The following PRKCH variants were observed in gnomAD, a reference collection of about 807,000 sequenced individuals.
PRKCH encodes the protein protein kinase C eta type.
A neutral mutation model predicts 82.5 loss-of-function variants in PRKCH; 28 were observed. The observed-to-expected ratio is 0.34, with a 90% CI of 0.25 to 0.47. The LOEUF (loss-of-function observed/expected upper bound fraction) is 0.47, where lower values mean the gene tolerates loss of function less well. Among genes scored for constraint, PRKCH ranks in the 20% least tolerant of loss-of-function variants. PRKCH has a pLI of 1.00. For missense variants in PRKCH, 705 were observed against 881.8 expected, an observed-to-expected ratio of 0.80 and a Z score of 2.54; for synonymous variants, 322 against 327.4, an observed-to-expected ratio of 0.98 and a Z score of 0.18.
chr14:61,389,495 G>C (rs2046640647), intron 1 of PRKCH, among the ~76,000 whole-genome samples: 1 of 152,112 alleles, frequency 6.6e-6, no homozygotes, highest in South Asian at 2.1e-4. Context: ...GTTTGAGACT[G>C]GGCAACATAG....
chr14:61,532,257 A>T (rs1389072054), intron 12 of PRKCH, among the ~76,000 whole-genome samples: 1 of 152,242 alleles, frequency 6.6e-6, no homozygotes, highest in Non-Finnish European at 1.5e-5. Flanking sequence ...GCCATAAAAA[A>T]AATGCCTGTT....
At chr14:61,403,392 A>G (rs1338722450) in intron 2 of PRKCH, among the ~76,000 whole-genome samples, 1 of 152,246 alleles carries the variant, frequency 6.6e-6, no homozygotes, top group Non-Finnish European at 1.5e-5. Flanking sequence ...ATAATCAGAA[A>G]AAAATATGTA....
chr14:61,455,286 C>T (rs925008001), intron 7 of PRKCH, among the ~76,000 whole-genome samples: 14 of 151,802 alleles, frequency 9.2e-5, no homozygotes, highest in African/African-American at 1.7e-4. Flanking sequence ...GTCATCCTCC[C>T]GTCTCGGCCT....
intron 1 of PRKCH, among the ~76,000 whole-genome samples, chr14:61,369,096 A>G (rs1360685686): frequency 1.3e-5 from 2 of 152,104 alleles, no homozygotes; most frequent in African/African-American, 4.8e-5. Flanking sequence ...TGCAAAATAC[A>G]CCATTGGCTG....
intron 1 of PRKCH, among the ~76,000 whole-genome samples, chr14:61,292,823 A>G (rs1351531888): frequency 2.0e-5 from 3 of 150,062 alleles, no homozygotes; most frequent in Non-Finnish European, 3.0e-5. Flanking sequence ...GCTTGCACCT[A>G]TAATCTCAGA....
intron 9 of PRKCH, chr14:61,463,084 T>C (rs916324485): frequency 6.6e-6 from 1 of 152,226 alleles, no homozygotes; most frequent in African/African-American, 2.4e-5. Flanking sequence ...ACCTGAACTG[T>C]GTTTTAGCTT....
At chr14:61,542,184 G>A (rs1405376322) in intron 12 of PRKCH, among the ~76,000 whole-genome samples, 1 of 152,040 alleles carries the variant, frequency 6.6e-6, no homozygotes, top group Non-Finnish European at 1.5e-5. Flanking sequence ...CAGCTACTCG[G>A]GAGGCTGAGG....
At chr14:61,251,148 A>G (rs1301535198) in intron 1 of PRKCH, among the ~76,000 whole-genome samples, 1 of 152,210 alleles carries the variant, frequency 6.6e-6, no homozygotes, top group Non-Finnish European at 1.5e-5. Flanking sequence ...TGCAATGTGT[A>G]ATAATCACAT....
At chr14:61,314,664 G>C (rs759842798) in intron 1 of PRKCH, among the ~76,000 whole-genome samples, 3 of 152,158 alleles carry the variant, frequency 2.0e-5, no homozygotes, top group Non-Finnish European at 2.9e-5. Flanking sequence ...AATAGTCATC[G>C]AAGGCTCTTC....
chr14:61,232,458 C>T (rs1190508176), intron 1 of PRKCH, among the ~76,000 whole-genome samples: 2 of 152,292 alleles, frequency 1.3e-5, no homozygotes, highest in Admixed American at 1.3e-4. Flanking sequence ...TGGGCTCAAG[C>T]CATCCACCCG....
intron 10 of PRKCH, among the ~76,000 whole-genome samples, chr14:61,512,109 T>C (rs184890642): frequency 6.6e-5 from 10 of 152,164 alleles, no homozygotes; most frequent in African/African-American, 2.4e-4. Flanking sequence ...TCACTTGTCA[T>C]GTCTGTGGTG....
At chr14:61,414,394 T>G (rs1882447115) in intron 2 of PRKCH, among the ~76,000 whole-genome samples, 1 of 151,614 alleles carries the variant, frequency 6.6e-6, no homozygotes, top group East Asian at 1.9e-4. Context: ...TGTCTCAGCC[T>G]CCCTGGTAGC....
chr14:61,310,285 G>A (rs569083215), intron 1 of PRKCH, among the ~76,000 whole-genome samples: 23 of 152,262 alleles, frequency 1.5e-4, no homozygotes, highest in African/African-American at 2.9e-4. Context: ...AGTCCCTTCC[G>A]CCTATAAACC....
intron 10 of PRKCH, among the ~76,000 whole-genome samples, chr14:61,527,404 T>C (rs751739717): frequency 6.6e-6 from 1 of 152,244 alleles, no homozygotes; most frequent in Non-Finnish European, 1.5e-5. Context: ...TCATTTCTGC[T>C]GCTTCTCTCT....
At chr14:61,313,414 TA>T (rs933590531) in intron 1 of PRKCH, among the ~76,000 whole-genome samples, 27 of 152,338 alleles carry the variant, frequency 1.8e-4, no homozygotes, top group Admixed American at 9.8e-4. Context: ...AATCCTTTTT[TA>T]AAATGTCAAA....
intron 10 of PRKCH, among the ~76,000 whole-genome samples, chr14:61,497,397 G>A (rs888562414): frequency 1.3e-5 from 2 of 152,186 alleles, no homozygotes; most frequent in Non-Finnish European, 2.9e-5. Context: ...AGCCTGGTAT[G>A]TAGTACATGC....
intron 2 of PRKCH, among the ~76,000 whole-genome samples, chr14:61,408,532 C>T (rs564811314): frequency 1.3e-5 from 2 of 152,234 alleles, no homozygotes; most frequent in South Asian, 4.1e-4. Flanking sequence ...GGTTCTGCTG[C>T]CTGTCCTTCC....
At chr14:61,398,599 C>T (rs1355969908) in intron 2 of PRKCH, among the ~76,000 whole-genome samples, 1 of 152,184 alleles carries the variant, frequency 6.6e-6, no homozygotes, top group Non-Finnish European at 1.5e-5. Flanking sequence ...TGGAAGCCCA[C>T]ACAACATCGT....
chr14:61,382,456 A>C lies in PRKCH; in HGVS notation c.364-8769A>C, dbSNP rs1338863362. Among the ~76,000 whole-genome samples the C allele has an allele frequency of 2.0e-5, 3 of 152,076 alleles. No homozygotes were observed. The East Asian group carries it at 5.8e-4, about 29-fold the overall frequency. ...AAACAAAAAAACAAAAACAAACAAAAAAAAACAAGAAAAACCAATACAATC... is the reference window on the plus strand; with the variant it reads ...AAACAAAAAAACAAAAACAAACAAACAAAAACAAGAAAAACCAATACAATC... On this transcript the variant is annotated intron_variant, in intron 1 of 13. Coordinates refer to ENST00000332981, the MANE Select transcript of PRKCH (RefSeq NM_006255.5).
Sources: gnomAD v4.1 joint callset for allele counts (sites outside exome capture counted in the v4.1 genomes callset) on GRCh38, gnomAD v4.1.1 for gene constraint, MANE v1.5 for transcripts, NCBI Gene and HGNC (gene_info 2026-07-23, HGNC 2026-07-21) for gene names.